The following GABPB2 variants were observed in gnomAD, a reference collection of about 807,000 sequenced individuals.
The protein encoded by GABPB2 is GA-binding protein subunit beta-2.
In GABPB2, 23 loss-of-function variants were observed where a neutral mutation model predicts 39.1. The observed-to-expected ratio is 0.59, with a 90% CI of 0.42 to 0.83. The LOEUF (loss-of-function observed/expected upper bound fraction) is 0.83. GABPB2 is among the 40% of genes least tolerant of loss of function. GABPB2 has a pLI of 0.00. For synonymous variants in GABPB2, 184 were observed against 199.3 expected, an observed-to-expected ratio of 0.92 and a Z score of 0.65; for missense variants, 467 against 541.1, an observed-to-expected ratio of 0.86 and a Z score of 1.36.
intron 2 of GABPB2, 57 bp from the exon 3 acceptor site, chr1:151,090,349 G>C (rs1444934541): frequency 6.7e-7 from 1 of 1,487,874 alleles, no homozygotes; most frequent in Non-Finnish European, 9.3e-7. Flanking sequence ...TATCTCTCCA[G>C]TAACGATCTA....
chr1:151,090,718 A>C (rs1292421812), intron 3 of GABPB2, 145 bp downstream of exon 3: 2 of 776,538 alleles, frequency 2.6e-6, no homozygotes, highest in South Asian at 1.9e-5. Flanking sequence ...AGGAGTCTTC[A>C]TGGCAGGCCG....
At chr1:151,085,660 G>A (rs1678120845) in intron 1 of GABPB2, among the ~76,000 whole-genome samples, 1 of 152,058 alleles carries the variant, frequency 6.6e-6, no homozygotes, top group African/African-American at 2.4e-5. Flanking sequence ...CACCGTGTTA[G>A]CCAGGATGGT....
At chr1:151,084,540 T>TC (rs1558131048) in intron 1 of GABPB2, among the ~76,000 whole-genome samples, 1 of 130,896 alleles carries the variant, frequency 7.6e-6, no homozygotes, top group African/African-American at 2.9e-5. Context: ...CTGTTTTTTT[T>TC]TTTTTTTTTT....
At chr1:151,071,185 G>A (rs1676677008) in intron 1 of GABPB2, among the ~76,000 whole-genome samples, 1 of 152,168 alleles carries the variant, frequency 6.6e-6, no homozygotes, top group Non-Finnish European at 1.5e-5. Context: ...CTGGGGAGCT[G>A]GACCAAGGGA....
rs587644816 is a variant in GABPB2, at chr1:151,098,274, G to A, written c.622+272G>A. On this transcript the variant is annotated intron_variant, in intron 5 of 8. Coordinates refer to ENST00000368918, the MANE Select transcript of GABPB2 (RefSeq NM_144618.3). ...CATATCTGTAATCCCAATGCTTTGG[G>A]AGGCCAAGGTGGGAAGATTGCTTGA... 9.1e-4 allele frequency among the ~76,000 whole-genome samples: 138 copies of A among 152,240 alleles called. 2 individuals carry two copies. Among genetic ancestry groups the A allele is most frequent in the Middle Eastern group, 6.8e-3 (2 of 292 alleles).
chr1:151,081,678 A>T (rs988381450), intron 1 of GABPB2, among the ~76,000 whole-genome samples: 2 of 151,712 alleles, frequency 1.3e-5, no homozygotes, highest in Non-Finnish European at 2.9e-5. Flanking sequence ...TCTGTCACCC[A>T]TGCTGGAGTG....
intron 3 of GABPB2, among the ~76,000 whole-genome samples, chr1:151,091,243 A>G (rs1404206667): frequency 1.3e-5 from 2 of 150,360 alleles, no homozygotes; most frequent in Non-Finnish European, 3.0e-5. Context: ...GCCCGCCACT[A>G]CACCCAGCCA....
At chr1:151,097,272 G>T (rs587774054) in intron 4 of GABPB2, among the ~76,000 whole-genome samples, 1 of 152,042 alleles carries the variant, frequency 6.6e-6, no homozygotes, top group East Asian at 1.9e-4. Context: ...GAATTGTCTA[G>T]AAGTTTTTGC....
intron 7 of GABPB2, among the ~76,000 whole-genome samples, chr1:151,108,463 C>T (rs1680139686): frequency 6.6e-6 from 1 of 152,154 alleles, no homozygotes; most frequent in Non-Finnish European, 1.5e-5. Context: ...TGAGTCATCA[C>T]ACCCAGTGAT....
At chr1:151,084,603 C>T (rs1319047976) in intron 1 of GABPB2, among the ~76,000 whole-genome samples, 4 of 140,256 alleles carry the variant, frequency 2.9e-5, no homozygotes, top group African/African-American at 1.1e-4. Context: ...GGCGCAGTCT[C>T]GGCTCACTGC....
At chr1:151,073,119 A>G (rs587684342) in intron 1 of GABPB2, 1 of 152,170 alleles carries the variant, frequency 6.6e-6, no homozygotes, top group Admixed American at 6.6e-5. Flanking sequence ...GGCTTAAGCT[A>G]TCCTCCCGCC....
At chr1:151,096,921 T>C (rs1488277449) in intron 4 of GABPB2, among the ~76,000 whole-genome samples, 1 of 152,144 alleles carries the variant, frequency 6.6e-6, no homozygotes, top group African/African-American at 2.4e-5. Context: ...TTTTCTTTTT[T>C]CTTTTTTTGA....
chr1:151,092,529 C>T (rs587608422), intron 3 of GABPB2, among the ~76,000 whole-genome samples: 34 of 151,996 alleles, frequency 2.2e-4, no homozygotes, highest in Admixed American at 1.7e-3. Context: ...TCTGGGATTA[C>T]AGGCATGAGC....
chr1:151,119,567 G>C lies in GABPB2; in HGVS notation c.*1311G>C, dbSNP rs1026545182. On this transcript the variant is annotated 3_prime_UTR_variant, in exon 9 of 9. Transcript: ENST00000368918. ...ATCCTGGCCAACATGGTGACACCCC[G>C]TCTCTACTAAAAATACAAAAATTAC... 6.6e-6 allele frequency: 1 copy of C among 152,176 alleles called. No homozygotes were observed. Among genetic ancestry groups the C allele is most frequent in the Non-Finnish European group, 1.5e-5 (1 of 68,088 alleles). The allele number at this position is 152,176 out of a possible 1,614,324, so 9.4% of individuals were successfully genotyped here. A position where few individuals can be genotyped will look rare whatever the true frequency, so the allele number is the denominator to read the frequency against.
At chr1:151,088,969 C>T (rs1299529966) in intron 2 of GABPB2, among the ~76,000 whole-genome samples, 2 of 146,056 alleles carry the variant, frequency 1.4e-5, no homozygotes, top group Non-Finnish European at 3.0e-5. Flanking sequence ...CATTGCACTA[C>T]AGCTTGGAAA....
intron 1 of GABPB2, 141 bp from the exon 2 acceptor site, chr1:151,088,045 TAGAA>T (rs1678348282): frequency 3.3e-6 from 2 of 601,304 alleles, no homozygotes; most frequent in Non-Finnish European, 6.0e-6. Context: ...TTAGACGAGG[TAGAA>T]AGGAAGTGAC....
intron 1 of GABPB2, among the ~76,000 whole-genome samples, chr1:151,082,961 A>T (rs1371473177): frequency 6.6e-6 from 1 of 151,134 alleles, no homozygotes; most frequent in East Asian, 1.9e-4. Flanking sequence ...GGGCAACAGA[A>T]AAAGACCCTG....
intron 2 of GABPB2, chr1:151,088,499 T>C: frequency 7.8e-7 from 1 of 1,279,852 alleles, no homozygotes; most frequent in Non-Finnish European, 1.1e-6. Flanking sequence ...CCTGTGGATA[T>C]ATAGGTGATA....
At position 151,118,365 on chromosome 1, in the gene GABPB2, A is replaced by G. The variant is rs947029964; in HGVS notation, c.*109A>G. 6 of 1,067,970 alleles carry G rather than the reference A, an allele frequency of 5.6e-6. No homozygotes were observed. The highest frequency in any genetic ancestry group is 8.0e-6 in the Non-Finnish European group (6 of 749,656). The allele number at this position is 1,067,970 out of a possible 1,614,324, so 66.2% of individuals were successfully genotyped here. On this transcript the variant is annotated 3_prime_UTR_variant, in exon 9 of 9. Coordinates refer to ENST00000368918, the MANE Select transcript of GABPB2 (RefSeq NM_144618.3). ...AACTAAGAGTGTCTTTAAGAAGAAA[A>G]CTATAGCAGGGTACAATGCTTGGGC...
Sources: gnomAD v4.1 joint callset for allele counts (sites outside exome capture counted in the v4.1 genomes callset) on GRCh38, gnomAD v4.1.1 for gene constraint, MANE v1.5 for transcripts, NCBI Gene and HGNC (gene_info 2026-07-23, HGNC 2026-07-21) for gene names.